The following CLEC2D variants were observed in gnomAD, a reference collection of about 807,000 sequenced individuals.
The protein encoded by CLEC2D is C-type lectin related f.
CLEC2D carries 16 observed loss-of-function variants against 20.0 expected under a neutral mutation model. The ratio of observed to expected loss-of-function variants is 0.80; its 90% CI spans 0.54 to 1.22. CLEC2D has a LOEUF of 1.22. Ranked by LOEUF, CLEC2D falls within the 50% of genes most tolerant of loss-of-function variation. The pLI is 0.00. For missense variants in CLEC2D, 207 were observed against 221.5 expected, an observed-to-expected ratio of 0.93 and a Z score of 0.42; for synonymous variants, 77 against 71.1, an observed-to-expected ratio of 1.08 and a Z score of -0.42.
chr12:9,696,199 C>T lies in CLEC2D; in HGVS notation c.*1325C>T, dbSNP rs188955111. The T allele has an allele frequency of 1.2e-6, 1 of 858,304 alleles. No individual in the cohort carries two copies. The highest frequency in any genetic ancestry group is 2.0e-6 in the Non-Finnish European group (1 of 507,148). The allele number at this position is 858,304 out of a possible 1,614,324, so 53.2% of individuals were successfully genotyped here. On this transcript the variant is annotated 3_prime_UTR_variant, in exon 5 of 5. Transcript: ENST00000290855. ...CTGGATGACTGACCAAGAGGCTATT[C>T]AAGATCTCTGGCAGTGGAGGAAGTC...
intron 3 of CLEC2D, among the ~76,000 whole-genome samples, chr12:9,689,100 AAT>A (rs1325217105): frequency 6.6e-6 from 1 of 152,220 alleles, no homozygotes; most frequent in Non-Finnish European, 1.5e-5. Context: ...TCTGCCTTTG[AAT>A]GCTGAGGGGC....
chr12:9,686,393 C>T (rs1325223869), intron 2 of CLEC2D, among the ~76,000 whole-genome samples: 1 of 151,952 alleles, frequency 6.6e-6, no homozygotes, highest in African/African-American at 2.4e-5. Context: ...GAAAGTCATC[C>T]TGCATTATGG....
intron 1 of CLEC2D, among the ~76,000 whole-genome samples, chr12:9,673,796 C>T (rs1257465058): frequency 6.6e-6 from 1 of 152,196 alleles, no homozygotes; most frequent in Non-Finnish European, 1.5e-5. Context: ...GGCTCAGGGT[C>T]CCACCTAAAG....
intron 1 of CLEC2D, among the ~76,000 whole-genome samples, chr12:9,679,658 TTCAGTATTTCTG>T (rs1363226378): frequency 6.6e-6 from 1 of 152,234 alleles, no homozygotes; most frequent in Non-Finnish European, 1.5e-5. Context: ...ATATTTTTAA[TTCAGTATTTCTG>T]TCAACTTAAA....
chr12:9,673,022 C>T (rs1238317836), intron 1 of CLEC2D, among the ~76,000 whole-genome samples: 2 of 152,080 alleles, frequency 1.3e-5, no homozygotes, highest in East Asian at 3.8e-4. Flanking sequence ...TGCTTTAGCT[C>T]AGCGAAATTC....
chr12:9,671,351 G>T (rs1241656711), intron 1 of CLEC2D, among the ~76,000 whole-genome samples: 2 of 152,188 alleles, frequency 1.3e-5, no homozygotes, highest in African/African-American at 4.8e-5. Flanking sequence ...CTCCTGAGTA[G>T]CTGGGACTAC....
intron 1 of CLEC2D, 53 bp from the exon 2 acceptor site, chr12:9,680,870 C>T: frequency 2.4e-6 from 2 of 849,352 alleles, no homozygotes; most frequent in Admixed American, 1.9e-5. Context: ...ATGTTTCTGG[C>T]AGTATTATGT....
intron 3 of CLEC2D, among the ~76,000 whole-genome samples, chr12:9,688,488 C>T (rs906331614): frequency 2.0e-5 from 3 of 152,126 alleles, no homozygotes; most frequent in Non-Finnish European, 4.4e-5. Flanking sequence ...GAGGCCAAGG[C>T]GGGTGTATCA....
chr12:9,676,557 T>C (rs1454174377), intron 1 of CLEC2D, among the ~76,000 whole-genome samples: 1 of 152,176 alleles, frequency 6.6e-6, no homozygotes, highest in Non-Finnish European at 1.5e-5. Flanking sequence ...TTTTTATACA[T>C]CATTGGATTG....
chr12:9,671,010 C>G (rs969371167), intron 1 of CLEC2D, among the ~76,000 whole-genome samples: 2 of 152,118 alleles, frequency 1.3e-5, no homozygotes, highest in African/African-American at 4.8e-5. Flanking sequence ...CCATCTGACC[C>G]GTACTTTCAG....
rs771368803 is a variant in CLEC2D, at chr12:9,694,845, A to T, written c.547A>T (p.Ile183Phe). Residue 183 changes from isoleucine (I) to phenylalanine (F), a missense_variant, in exon 5 of 5, where the codon ATT becomes TTT. By Grantham distance (21) the Ile-to-Phe change is conservative (BLOSUM62 0). Transcript: ENST00000290855. The stretch of plus-strand genomic sequence containing the variant: ...CAGGCACTACACAGAGAGGAAGTGG[A>T]TTTGTTCCAAATCAGATATACATGT... ...SARHYTERKWICSKSDIHV is the reference protein window; with the variant it reads ...SARHYTERKWFCSKSDIHV The T allele has an allele frequency of 6.2e-7, 1 of 1,608,240 alleles. No individual in the cohort carries two copies. Among genetic ancestry groups the T allele is most frequent in the African/African-American group, 1.3e-5 (1 of 74,886 alleles).
At chr12:9,692,212 T>C (rs1865883058) in intron 3 of CLEC2D, among the ~76,000 whole-genome samples, 1 of 152,182 alleles carries the variant, frequency 6.6e-6, no homozygotes, top group South Asian at 2.1e-4. Context: ...CTTGGCTCAC[T>C]ACAACTTTTG....
At position 9,695,310 on chromosome 12, in the gene CLEC2D, G is replaced by A. The variant is rs544557948; in HGVS notation, c.*436G>A. On this transcript the variant is annotated 3_prime_UTR_variant, in exon 5 of 5. Transcript: ENST00000290855. Reference sequence around the variant, plus strand: ...GCTCCCTGGTGTGATTCCGTCCTGCGCGGCTGTTCTCTGGAGCAGCATTCA... The same window carrying A: ...GCTCCCTGGTGTGATTCCGTCCTGCACGGCTGTTCTCTGGAGCAGCATTCA... 506 of 791,670 alleles carry A rather than the reference G, an allele frequency of 6.4e-4. 1 individual carries two copies. The highest frequency in any genetic ancestry group is 4.2e-3 in the Middle Eastern group (12 of 2,872). 49.0% of individuals were successfully genotyped at this position (791,670 alleles called of 1,614,324 possible).
At chr12:9,680,452 C>T (rs1865611101) in intron 1 of CLEC2D, among the ~76,000 whole-genome samples, 1 of 152,160 alleles carries the variant, frequency 6.6e-6, no homozygotes, top group Admixed American at 6.5e-5. Context: ...TCCTATCCTT[C>T]CAAGAATAAC....
At chr12:9,677,368 A>G (rs1865539800) in intron 1 of CLEC2D, among the ~76,000 whole-genome samples, 1 of 152,052 alleles carries the variant, frequency 6.6e-6, no homozygotes, top group Non-Finnish European at 1.5e-5. Flanking sequence ...TCCTTGACCC[A>G]TATGTTGTTT....
chr12:9,688,444 G>A (rs1865800106), intron 3 of CLEC2D, among the ~76,000 whole-genome samples: 1 of 152,188 alleles, frequency 6.6e-6, no homozygotes, highest in East Asian at 1.9e-4. Flanking sequence ...AAGGCCAAGA[G>A]CAGTGGCACA....
Position 9,695,951 on chromosome 12 carries a change from A to G in CLEC2D, c.*1077A>G. On this transcript the variant is annotated 3_prime_UTR_variant, in exon 5 of 5. Transcript: ENST00000290855. ...AAATCTATACGAGATACTCCAGCCA[A>G]AAATGCACAAAAGTCAAATCAGAAT... 6.4e-7 allele frequency: 1 copy of G among 1,553,382 alleles called. No homozygotes were observed.
In CLEC2D at chr12:9,696,377, T is replaced by A. The variant is rs566638318; in HGVS notation, c.*1503T>A. 81 of 501,310 alleles carry A rather than the reference T, an allele frequency of 1.6e-4. No homozygotes were observed. Among genetic ancestry groups the A allele is most frequent in the Non-Finnish European group, 2.4e-4 (67 of 275,556 alleles). The allele number at this position is 501,310 out of a possible 1,614,324, so 31.1% of individuals were successfully genotyped here. ...GTTGTCCAGGTTCTATTGCCAAGAATGTGTTGTCCAAAATGCCTGTTTAGT... is the reference window on the plus strand; with the variant it reads ...GTTGTCCAGGTTCTATTGCCAAGAAAGTGTTGTCCAAAATGCCTGTTTAGT... On this transcript the variant is annotated 3_prime_UTR_variant, in exon 5 of 5. Transcript: ENST00000290855.
chr12:9,677,629 C>T (rs554177409), intron 1 of CLEC2D, among the ~76,000 whole-genome samples: 2 of 149,814 alleles, frequency 1.3e-5, no homozygotes, highest in Admixed American at 6.6e-5. Flanking sequence ...CAATTATATT[C>T]GGTTAATTGA....
Sources: gnomAD v4.1 joint callset for allele counts (sites outside exome capture counted in the v4.1 genomes callset) on GRCh38, gnomAD v4.1.1 for gene constraint, MANE v1.5 for transcripts, NCBI Gene and HGNC (gene_info 2026-07-23, HGNC 2026-07-21) for gene names.